DYNC2H1: variants seen among roughly 807,000 people sequenced by gnomAD.
The protein encoded by DYNC2H1 is cytoplasmic dynein 2 heavy chain 1.
DYNC2H1 carries 410 observed loss-of-function variants against 570.0 expected under a neutral mutation model. The observed-to-expected ratio is 0.72, with a 90% confidence interval of 0.66 to 0.78. DYNC2H1 has a LOEUF of 0.78. Among genes scored for constraint, DYNC2H1 ranks in the 30% least tolerant of loss-of-function variants. The pLI is 0.00. For missense variants in DYNC2H1, 4,865 were observed against 5,046.4 expected, an observed-to-expected ratio of 0.96 and a Z score of 1.09; for synonymous variants, 1,688 against 1,677.6, an observed-to-expected ratio of 1.01 and a Z score of -0.15.
At chr11:103,278,747 A>G (rs1208673024) in intron 70 of DYNC2H1, among the ~76,000 whole-genome samples, 1 of 152,114 alleles carries the variant, frequency 6.6e-6, no homozygotes, top group African/African-American at 2.4e-5. Flanking sequence ...TTGTATTTTT[A>G]GTAGAGACAG....
At chr11:103,113,192 C>A (rs1295889178) in intron 1 of DYNC2H1, among the ~76,000 whole-genome samples, 1 of 152,126 alleles carries the variant, frequency 6.6e-6, no homozygotes, top group East Asian at 1.9e-4. Context: ...CTACAGCTTT[C>A]ATCTGTACTA....
intron 18 of DYNC2H1, among the ~76,000 whole-genome samples, chr11:103,144,417 G>A (rs907622294): frequency 3.3e-5 from 5 of 152,136 alleles, no homozygotes; most frequent in Non-Finnish European, 7.3e-5. Context: ...CTAAAACTAT[G>A]GGGATTCAGA....
chr11:103,247,383 A>G (rs1207769755), intron 65 of DYNC2H1, among the ~76,000 whole-genome samples: 1 of 152,036 alleles, frequency 6.6e-6, no homozygotes, highest in Non-Finnish European at 1.5e-5. Flanking sequence ...ATTTGTGATT[A>G]ATTGTTGTCT....
At position 103,406,311 on chromosome 11, in the gene DYNC2H1, CATTTT is replaced by C. The variant is rs1314784666; in HGVS notation, c.12366+6445_12366+6449del. 4.6e-5 allele frequency: 7 copies of C among 151,988 alleles called. No individual in the cohort carries two copies. The East Asian group carries it at 1.2e-3, about 25-fold the overall frequency. 9.4% of individuals were successfully genotyped at this position (151,988 alleles called of 1,614,324 possible). A position where few individuals can be genotyped will look rare whatever the true frequency, so the allele number is the denominator to read the frequency against. On this transcript the variant is annotated intron_variant, in intron 84 of 88. Transcript: ENST00000375735. ...TATGAGTTTTGTGCTTTCGAATTGT[CATTTT>C]ATTTTCATATTATTAGATGTGGGGA...
At position 103,292,067 on chromosome 11, in the gene DYNC2H1, A is replaced by T. The variant is rs140303514; in HGVS notation, c.11095+4462A>T. Among the ~76,000 whole-genome samples, 70 of 151,990 alleles carry T rather than the reference A, an allele frequency of 4.6e-4. No individual in the cohort carries two copies. In the East Asian group the frequency reaches 0.013, roughly 29 times the overall value. ...ATTTATATTCAGAGTTATTATTGAT[A>T]GGAAAGGACTCTGGCTATTTTAGGA... On this transcript the variant is annotated intron_variant, in intron 75 of 88. Coordinates refer to ENST00000375735, the MANE Select transcript of DYNC2H1 (RefSeq NM_001377.3).
At chr11:103,367,294 AAATC>A (rs1940953752) in intron 83 of DYNC2H1, among the ~76,000 whole-genome samples, 1 of 152,116 alleles carries the variant, frequency 6.6e-6, no homozygotes, top group Non-Finnish European at 1.5e-5. Context: ...TTTTTCCACT[AAATC>A]AAAGATTCTG....
intron 6 of DYNC2H1, among the ~76,000 whole-genome samples, chr11:103,118,570 T>C (rs1858540341): frequency 2.0e-5 from 3 of 152,142 alleles, no homozygotes; most frequent in African/African-American, 7.2e-5. Context: ...ACTTCCACCC[T>C]TAAAACATAA....
intron 61 of DYNC2H1, among the ~76,000 whole-genome samples, chr11:103,234,631 G>A (rs1340604397): frequency 2.0e-5 from 3 of 151,776 alleles, no homozygotes; most frequent in Non-Finnish European, 4.4e-5. Context: ...ATCCAGTAAT[G>A]TTGATTGTCC....
chr11:103,346,971 A>C (rs1038618957), intron 82 of DYNC2H1, among the ~76,000 whole-genome samples: 1 of 152,222 alleles, frequency 6.6e-6, no homozygotes, highest in Non-Finnish European at 1.5e-5. Context: ...CCCTGTGATC[A>C]ATCTTTGCAT....
At position 103,153,515 on chromosome 11, in the gene DYNC2H1, T is replaced by G. The variant is rs538142742; in HGVS notation, c.3302+7T>G. The G allele has an allele frequency of 1.3e-6, 2 of 1,548,074 alleles. No homozygotes were observed. The highest frequency in any genetic ancestry group is 4.2e-5 in the Admixed American group (2 of 47,808). On this transcript the variant is annotated splice_region_variant and intron_variant, in intron 22 of 88. Transcript: ENST00000375735. ...TCACAAGAAAAAAGCTGGTGTATGT[T>G]TTTTCTTTAAAATTGATAGTGCTTA...
At position 103,222,010 on chromosome 11, in the gene DYNC2H1, G is replaced by A; in HGVS notation, c.9108-20G>A. 6.2e-7 allele frequency: 1 copy of A among 1,600,492 alleles called. No individual in the cohort carries two copies. The highest frequency in any genetic ancestry group is 8.5e-7 in the Non-Finnish European group (1 of 1,175,618). Reference sequence around the variant, plus strand: ...CAAATTTTATTTAGCCTCATTTAAGGAAATATGCTTTAATTTTAGTTTCCT... The same window carrying A: ...CAAATTTTATTTAGCCTCATTTAAGAAAATATGCTTTAATTTTAGTTTCCT... On this transcript the variant is annotated intron_variant, in intron 57 of 88. Coordinates refer to ENST00000375735, the MANE Select transcript of DYNC2H1 (RefSeq NM_001377.3).
chr11:103,237,860 G>A (rs924767460), intron 63 of DYNC2H1, among the ~76,000 whole-genome samples: 2 of 152,010 alleles, frequency 1.3e-5, no homozygotes, highest in African/African-American at 2.4e-5. Context: ...AAAATGCTTA[G>A]TTTTGTATTC....
intron 88 of DYNC2H1, among the ~76,000 whole-genome samples, chr11:103,471,618 C>G (rs1366730123): frequency 3.3e-5 from 5 of 152,188 alleles, no homozygotes; most frequent in African/African-American, 1.2e-4. Flanking sequence ...ATAATTTAAA[C>G]TTTTATAATG....
At chr11:103,246,245 A>C (rs1864611710) in intron 65 of DYNC2H1, among the ~76,000 whole-genome samples, 1 of 152,042 alleles carries the variant, frequency 6.6e-6, no homozygotes, top group Non-Finnish European at 1.5e-5. Flanking sequence ...TGTCTTCCAG[A>C]GCTCAGTTTC....
chr11:103,253,256 C>A, intron 65 of DYNC2H1, 29 bp from the exon 66 acceptor site: 5 of 1,586,388 alleles, frequency 3.2e-6, no homozygotes, highest in Non-Finnish European at 4.3e-6. Flanking sequence ...AAGATTCAGA[C>A]CAACCAATTG....
chr11:103,304,552 G>A (rs1308912262), intron 76 of DYNC2H1, 43 bp from the exon 77 acceptor site: 4 of 1,589,682 alleles, frequency 2.5e-6, no homozygotes, highest in Non-Finnish European at 3.4e-6. Context: ...CAACATGTTA[G>A]CAGATCTGTT....
intron 82 of DYNC2H1, among the ~76,000 whole-genome samples, chr11:103,342,089 C>T (rs1042728224): frequency 3.3e-5 from 5 of 151,988 alleles, no homozygotes; most frequent in East Asian, 3.9e-4. Flanking sequence ...TAAAGTGATC[C>T]GTGATCATGC....
intron 17 of DYNC2H1, 58 bp downstream of exon 17, chr11:103,136,006 T>A: frequency 1.5e-6 from 2 of 1,367,928 alleles, no homozygotes; most frequent in Non-Finnish European, 2.0e-6. Context: ...ATTGATTGAA[T>A]TTACATTAAA....
In DYNC2H1 at chr11:103,175,688, G is replaced by A. The variant is rs142768353; in HGVS notation, c.5675-547G>A. 2.6e-3 allele frequency among the ~76,000 whole-genome samples: 397 copies of A among 152,246 alleles called. 3 individuals carry two copies. Among genetic ancestry groups the A allele is most frequent in the African/African-American group, 9.0e-3 (376 of 41,570 alleles). On this transcript the variant is annotated intron_variant, in intron 36 of 88. Coordinates refer to ENST00000375735, the MANE Select transcript of DYNC2H1 (RefSeq NM_001377.3). The stretch of plus-strand genomic sequence containing the variant: ...AACAAGGCTGATCAAAGATTGTTGC[G>A]CAGTTTGTTAGTTGTTTATCTTAGG...
Sources: allele counts gnomAD v4.1 joint callset (sites outside exome capture counted in the v4.1 genomes callset), GRCh38; gene constraint gnomAD v4.1.1; transcripts MANE v1.5; gene names NCBI Gene and HGNC (gene_info 2026-07-23, HGNC 2026-07-21).